Variants in GMDS observed in about 807,000 individuals in gnomAD.
GMDS encodes the protein GDP-mannose 4,6-dehydratase.
GMDS carries 20 observed loss-of-function variants against 49.9 expected under a neutral mutation model. That is an observed-to-expected ratio of 0.40 (90% confidence interval 0.28 to 0.58). GMDS has a LOEUF of 0.58. GMDS is among the 20% of genes least tolerant of loss of function. The pLI, the probability that GMDS is intolerant of heterozygous loss-of-function variation, is 0.42. For missense variants in GMDS, 362 were observed against 481.4 expected, an observed-to-expected ratio of 0.75 and a Z score of 2.32; for synonymous variants, 177 against 178.6, an observed-to-expected ratio of 0.99 and a Z score of 0.07.
chr6:1,872,592 A>G (rs567719592), intron 7 of GMDS, among the ~76,000 whole-genome samples: 9 of 152,388 alleles, frequency 5.9e-5, no homozygotes, highest in African/African-American at 2.2e-4. Flanking sequence ...GAAACAGCCC[A>G]CAAACTGGCT....
chr6:1,753,342 C>T (rs1211885314), intron 7 of GMDS, among the ~76,000 whole-genome samples: 1 of 152,192 alleles, frequency 6.6e-6, no homozygotes, highest in Non-Finnish European at 1.5e-5. Context: ...GAAGAGCTAA[C>T]TATCCTAAAT....
chr6:2,022,353 C>A (rs1218089622), intron 4 of GMDS, among the ~76,000 whole-genome samples: 2 of 152,152 alleles, frequency 1.3e-5, no homozygotes, highest in African/African-American at 4.8e-5. Context: ...CCCTAACTGG[C>A]ATAAAATCCA....
chr6:1,691,738 T>A (rs1049725648), intron 9 of GMDS, among the ~76,000 whole-genome samples: 1 of 152,242 alleles, frequency 6.6e-6, no homozygotes, highest in Admixed American at 6.5e-5. Context: ...AGAGATGGCA[T>A]CCTATCTGTG....
At chr6:1,725,554 C>T (rs1766553131) in intron 9 of GMDS, among the ~76,000 whole-genome samples, 1 of 152,110 alleles carries the variant, frequency 6.6e-6, no homozygotes, top group African/African-American at 2.4e-5. Flanking sequence ...CTGCCTCAGC[C>T]TCCCGAGTAG....
chr6:2,200,087 T>G (rs1225206128), intron 1 of GMDS, among the ~76,000 whole-genome samples: 1 of 152,194 alleles, frequency 6.6e-6, no homozygotes, highest in Non-Finnish European at 1.5e-5. Context: ...AACAAATATT[T>G]ATTGCACATC....
At chr6:2,116,010 G>A (rs1222475821) in intron 3 of GMDS, 130 bp from the exon 4 acceptor site, 2 of 618,610 alleles carry the variant, frequency 3.2e-6, no homozygotes. Flanking sequence ...CTGTACTGAT[G>A]GTTCTGGAGT....
chr6:1,960,657 C>A (rs187023138), intron 5 of GMDS, 117 bp downstream of exon 5: 10 of 630,816 alleles, frequency 1.6e-5, no homozygotes, highest in South Asian at 6.5e-5. Flanking sequence ...TTAATGTTAA[C>A]CTCACACCCA....
chr6:2,038,710 AG>A (rs1376803407), intron 4 of GMDS, among the ~76,000 whole-genome samples: 2 of 151,122 alleles, frequency 1.3e-5, no homozygotes, highest in Non-Finnish European at 3.0e-5. Context: ...GAGTAACATA[AG>A]CACATAAATT....
At chr6:1,952,939 C>T (rs1404962667) in intron 6 of GMDS, among the ~76,000 whole-genome samples, 2 of 152,152 alleles carry the variant, frequency 1.3e-5, no homozygotes, top group Admixed American at 6.5e-5. Context: ...CGGCTGGTAA[C>T]CAACGGCCCA....
At chr6:1,691,568 T>C (rs1765175979) in intron 9 of GMDS, among the ~76,000 whole-genome samples, 1 of 152,094 alleles carries the variant, frequency 6.6e-6, no homozygotes, top group African/African-American at 2.4e-5. Flanking sequence ...CCTATACCAG[T>C]CTTGGTTCAA....
intron 9 of GMDS, among the ~76,000 whole-genome samples, chr6:1,698,434 C>T (rs1765419683): frequency 6.6e-6 from 1 of 152,224 alleles, no homozygotes; most frequent in African/African-American, 2.4e-5. Flanking sequence ...CATCCTCCCT[C>T]CCTGCAAATA....
intron 4 of GMDS, among the ~76,000 whole-genome samples, chr6:1,961,750 G>A (rs1763956569): frequency 6.6e-6 from 1 of 152,236 alleles, no homozygotes. Flanking sequence ...TGGGCACAGT[G>A]CAAACAGGCT....
chr6:1,935,312 T>G (rs1213647089), intron 6 of GMDS, among the ~76,000 whole-genome samples: 1 of 152,194 alleles, frequency 6.6e-6, no homozygotes, highest in Non-Finnish European at 1.5e-5. Flanking sequence ...TGGCATTTCT[T>G]ACAGAAATGT....
intron 4 of GMDS, among the ~76,000 whole-genome samples, chr6:2,107,010 T>C (rs1214925924): frequency 6.6e-6 from 1 of 152,210 alleles, no homozygotes; most frequent in Non-Finnish European, 1.5e-5. Context: ...GCTTAATATA[T>C]ATAAAATAAT....
At chr6:2,117,615 T>C (rs959591824) in intron 2 of GMDS, 59 bp from the exon 3 acceptor site, 29 of 847,958 alleles carry the variant, frequency 3.4e-5, no homozygotes, top group Admixed American at 3.4e-4. Context: ...ACAACTTCTT[T>C]AGCTAATGTT....
At chr6:2,115,741 G>A (rs200637002) in intron 4 of GMDS, 30 bp downstream of exon 4, 94 of 1,136,216 alleles carry the variant, frequency 8.3e-5, no homozygotes, top group Admixed American at 3.9e-4. Context: ...ACAGAAACAC[G>A]GCCAGAGAAA....
chr6:1,889,238 G>C (rs1448805272), intron 7 of GMDS, among the ~76,000 whole-genome samples: 8 of 152,030 alleles, frequency 5.3e-5, no homozygotes, highest in South Asian at 2.1e-4. Context: ...GAAAAACAGC[G>C]ACCTCCCAAA....
chr6:2,073,233 C>T (rs993535135), intron 4 of GMDS, among the ~76,000 whole-genome samples: 12 of 152,154 alleles, frequency 7.9e-5, no homozygotes, highest in Non-Finnish European at 1.3e-4. Flanking sequence ...TCTTCATCAT[C>T]GTGGCATCCT....
chr6:1,695,269 C>A (rs1221764578), intron 9 of GMDS, among the ~76,000 whole-genome samples: 1 of 152,184 alleles, frequency 6.6e-6, no homozygotes, highest in Non-Finnish European at 1.5e-5. Flanking sequence ...TAGAAATCTC[C>A]ACAGTGAGTG....
Sources: gnomAD v4.1 joint callset for allele counts (sites outside exome capture counted in the v4.1 genomes callset) on GRCh38, gnomAD v4.1.1 for gene constraint, MANE v1.5 for transcripts, NCBI Gene and HGNC (gene_info 2026-07-23, HGNC 2026-07-21) for gene names.